CGREF1: variants seen among roughly 807,000 people sequenced by gnomAD.
CGREF1 encodes cell growth regulator with EF-hand domain 1, also known as cell growth regulator with EF hand domain protein 1.
A neutral mutation model predicts 17.4 loss-of-function variants in CGREF1; 16 were observed. That is an observed-to-expected ratio of 0.92 (90% CI 0.62 to 1.40). The LOEUF (loss-of-function observed/expected upper bound fraction) is 1.40. Ranked by LOEUF, CGREF1 falls within the 40% of genes most tolerant of loss-of-function variation. The pLI is 0.00. For synonymous variants in CGREF1, 142 were observed against 154.6 expected (o/e 0.92, Z 0.61); for missense variants, 296 against 376.4 (o/e 0.79, Z 1.77).
chr2:27,113,909 G>A (rs1484778921), intron 1 of CGREF1, among the ~76,000 whole-genome samples: 2 of 151,820 alleles, frequency 1.3e-5, no homozygotes. Flanking sequence ...GCCGACAGGA[G>A]GCACTGGAGT....
rs1031978389 is a variant in CGREF1, at chr2:27,118,936, C to A, written c.-102G>T. 2 of 152,306 alleles carry A rather than the reference C, an allele frequency of 1.3e-5. No individual in the cohort carries two copies. The highest frequency in any genetic ancestry group is 1.5e-5 in the Non-Finnish European group (1 of 68,156). The allele number at this position is 152,306 out of a possible 1,614,324, so 9.4% of individuals were successfully genotyped here. A position where few individuals can be genotyped will look rare whatever the true frequency, so the allele number is the denominator to read the frequency against. ...GCGCCTCGCCTCCCGCCGCCAGCCT[C>A]CCCCGGGCCGCTCCACGTGGCCGCT... is the stretch of plus-strand genomic sequence containing the variant. On this transcript the variant is annotated 5_prime_UTR_variant, in exon 1 of 6. Coordinates refer to ENST00000402394, the MANE Select transcript of CGREF1 (RefSeq NM_006569.6).
At chr2:27,109,655 G>C (rs577467832) in intron 1 of CGREF1, among the ~76,000 whole-genome samples, 17 of 152,256 alleles carry the variant, frequency 1.1e-4, no homozygotes, top group Middle Eastern at 3.4e-3. Context: ...GGAGGCCGAG[G>C]TGGGCGGATC....
rs1329034832 is a variant in CGREF1 at position 27,101,808 on chromosome 2, G to T, written c.423C>A (p.Asn141Lys). 4 of 1,614,074 alleles carry T rather than the reference G, an allele frequency of 2.5e-6. No homozygotes were observed. In the Admixed American group the frequency reaches 6.7e-5, roughly 27 times the overall value. Residue 141 changes from asparagine to lysine, a missense_variant, in exon 6 of 6, where the codon AAC becomes AAA. Asn to Lys is a moderately conservative substitution (Grantham distance 94). Coordinates refer to ENST00000402394, the MANE Select transcript of CGREF1 (RefSeq NM_006569.6). ...CGTGCCTGAGGGCTACTCCCGGGAA[G>T]TTGATGAGCTCAGCAGGGGTCATGA... ...DGLMTPAELI[N>K]FPGVALRHVE...
intron 1 of CGREF1, among the ~76,000 whole-genome samples, chr2:27,107,671 A>G (rs1671178396): frequency 6.7e-6 from 1 of 149,938 alleles, no homozygotes; most frequent in Non-Finnish European, 1.5e-5. Flanking sequence ...GTGGTGGCTC[A>G]TGCCTGTAGT....
intron 1 of CGREF1, among the ~76,000 whole-genome samples, chr2:27,113,272 T>A (rs1671457727): frequency 6.6e-6 from 1 of 152,140 alleles, no homozygotes; most frequent in Non-Finnish European, 1.5e-5. Flanking sequence ...TCTGGCTCCC[T>A]GGCCTGGGTG....
chr2:27,100,372 C>G, downstream of CGREF1: 4 of 1,219,844 alleles, frequency 3.3e-6, no homozygotes, highest in Non-Finnish European at 4.3e-6. Context: ...TACCTCCTCC[C>G]GCTGACTGCC....
At chr2:27,111,442 C>A (rs1671378370) in intron 1 of CGREF1, among the ~76,000 whole-genome samples, 3 of 152,264 alleles carry the variant, frequency 2.0e-5, no homozygotes, top group Admixed American at 2.0e-4. Context: ...AAGAGCTCAG[C>A]TGGCTTCACC....
chr2:27,110,012 A>G (rs1356992561), intron 1 of CGREF1, among the ~76,000 whole-genome samples: 1 of 151,964 alleles, frequency 6.6e-6, no homozygotes, highest in Non-Finnish European at 1.5e-5. Flanking sequence ...AACTGAACTA[A>G]AAGAAAGGCA....
rs1427471201 is a variant in CGREF1 at position 27,101,723 on chromosome 2, A to G, written c.508T>C (p.Ser170Pro). ...PQEPQAVGRQ[S>P]LLAKSPLRQE... is the part of the protein sequence containing the mutation. ...CTTAATGGGCTTTTAGCTAATAGGG[A>G]CTGCCTTCCAACAGCTTGTGGCTCC... is the stretch of plus-strand genomic sequence containing the variant. The change falls in exon 6 of 6, where the codon TCC becomes CCC. Residue 170 changes from serine to proline, a missense_variant. By Grantham distance (74) the Ser-to-Pro change is moderately conservative. Coordinates refer to ENST00000402394, the MANE Select transcript of CGREF1 (RefSeq NM_006569.6). 2 of 1,614,174 alleles carry G rather than the reference A, an allele frequency of 1.2e-6. No individual in the cohort carries two copies. The highest frequency in any genetic ancestry group is 4.5e-5 in the East Asian group (2 of 44,876).
intron 1 of CGREF1, among the ~76,000 whole-genome samples, chr2:27,116,871 T>TTCTTTCTCTCTCTCTCTCTC (rs1671586370): frequency 3.0e-5 from 1 of 33,680 alleles, no homozygotes; most frequent in African/African-American, 1.0e-4. Context: ...GCCAGGCCTA[T>TTCTTTCTCTCTCTCTCTCTC]TCTCTCTCTC....
At chr2:27,107,099 C>T (rs1175719522) in intron 1 of CGREF1, among the ~76,000 whole-genome samples, 1 of 152,098 alleles carries the variant, frequency 6.6e-6, no homozygotes, top group Non-Finnish European at 1.5e-5. Flanking sequence ...GGTAAAGTTT[C>T]CAGGAATATG....
Position 27,102,222 on chromosome 2 carries a change from C to T in CGREF1, c.218-1G>A. On this transcript the variant is annotated splice_acceptor_variant, in intron 4 of 5. Transcript: ENST00000402394. LOFTEE classifies it high-confidence loss of function. ...TGGAGGGCAAAGAGGTAGAGGAGAACTAAAGAGAAGAGAAGCTGGATTAGA... is the reference window on the plus strand; with the variant it reads ...TGGAGGGCAAAGAGGTAGAGGAGAATTAAAGAGAAGAGAAGCTGGATTAGA... 6.2e-7 allele frequency: 1 copy of T among 1,611,104 alleles called. No homozygotes were observed. Among genetic ancestry groups the T allele is most frequent in the Middle Eastern group, 1.7e-4 (1 of 6,044 alleles).
At chr2:27,102,946 C>T in intron 2 of CGREF1, 1 of 985,456 alleles carries the variant, frequency 1.0e-6, no homozygotes, top group African/African-American at 1.7e-5. Context: ...CCTCTCCTTC[C>T]ATGCTGGGAG....
intron 1 of CGREF1, among the ~76,000 whole-genome samples, chr2:27,112,151 C>T (rs542992292): frequency 6.6e-6 from 1 of 152,266 alleles, no homozygotes; most frequent in South Asian, 2.1e-4. Flanking sequence ...GTGGTGCACG[C>T]CTGTAGTCCT....
chr2:27,103,637 G>A (rs1186224283), intron 2 of CGREF1, among the ~76,000 whole-genome samples: 1 of 150,606 alleles, frequency 6.6e-6, no homozygotes, highest in Non-Finnish European at 1.5e-5. Flanking sequence ...GCCTCCCAAA[G>A]TGCTGGGATT....
intron 1 of CGREF1, among the ~76,000 whole-genome samples, chr2:27,113,810 C>T (rs1017412228): frequency 4.6e-5 from 7 of 152,040 alleles, no homozygotes; most frequent in South Asian, 2.1e-4. Flanking sequence ...TTCATCTGCA[C>T]GGCCCCACAG....
intron 1 of CGREF1, among the ~76,000 whole-genome samples, chr2:27,111,550 G>A (rs573973844): frequency 2.0e-5 from 3 of 152,252 alleles, no homozygotes; most frequent in African/African-American, 7.2e-5. Context: ...GGGACAGGGC[G>A]CCGTGGAGCA....
At chr2:27,104,233 T>C (rs1361941908) in intron 2 of CGREF1, 54 bp downstream of exon 2, 1 of 1,509,766 alleles carries the variant, frequency 6.6e-7, no homozygotes, top group Middle Eastern at 2.0e-4. Context: ...CCTTGGATTC[T>C]CTAGAGACTT....
rs375631075 is a variant in CGREF1, at chr2:27,101,835, C to A, written c.396G>T (p.Gly132=). ...VLETQDLNGD[G]LMTPAELINF... ...TGATGAGCTCAGCAGGGGTCATGAG[C>A]CCATCCCCATTCAGGTCCTGGGTCT... The change falls in exon 6 of 6, where the codon GGG becomes GGT. Residue 132 remains glycine, a synonymous_variant. Transcript: ENST00000402394. 2.5e-6 allele frequency: 4 copies of A among 1,614,028 alleles called. No homozygotes were observed. Among genetic ancestry groups the A allele is most frequent in the South Asian group, 1.1e-5 (1 of 91,084 alleles).
Sources: allele counts gnomAD v4.1 joint callset (sites outside exome capture counted in the v4.1 genomes callset), GRCh38; gene constraint gnomAD v4.1.1; transcripts MANE v1.5; gene names NCBI Gene and HGNC (gene_info 2026-07-23, HGNC 2026-07-21).